The following CCDC195 variants were observed in gnomAD, a reference collection of about 807,000 sequenced individuals.
CCDC195 encodes coiled-coil domain containing 195.
At chr2:224,715,002 C>T (rs531697264) in intron 1 of CCDC195, among the ~76,000 whole-genome samples, 1 of 152,132 alleles carries the variant, frequency 6.6e-6, no homozygotes, top group East Asian at 1.9e-4. Context: ...GATCTCAGCT[C>T]ACTACAACCT....
intron 1 of CCDC195, among the ~76,000 whole-genome samples, chr2:224,711,805 T>G (rs1689322492): frequency 6.6e-6 from 1 of 152,212 alleles, no homozygotes; most frequent in Non-Finnish European, 1.5e-5. Flanking sequence ...TTTCGGCTTT[T>G]TGTAGAACAG....
intron 2 of CCDC195, among the ~76,000 whole-genome samples, chr2:224,704,624 T>C (rs1184681152): frequency 7.1e-5 from 9 of 126,662 alleles, no homozygotes; most frequent in Non-Finnish European, 1.4e-4. Context: ...TTTTTTTTTT[T>C]TTCTTTTTTT....
At chr2:224,710,667 T>C (rs905846630) in intron 1 of CCDC195, among the ~76,000 whole-genome samples, 3 of 152,144 alleles carry the variant, frequency 2.0e-5, no homozygotes, top group Non-Finnish European at 2.9e-5. Flanking sequence ...AAAGCATTCA[T>C]TGATTTATTT....
At chr2:224,712,895 G>A (rs985999027) in intron 1 of CCDC195, among the ~76,000 whole-genome samples, 34 of 150,954 alleles carry the variant, frequency 2.3e-4, no homozygotes, top group Non-Finnish European at 7.4e-5. Flanking sequence ...TTTTGATGGA[G>A]TCTTGCACTG....
intron 1 of CCDC195, among the ~76,000 whole-genome samples, chr2:224,710,548 G>C (rs77646071): frequency 1.3e-5 from 2 of 152,226 alleles, no homozygotes; most frequent in Non-Finnish European, 2.9e-5. Flanking sequence ...TGAGGCAGGA[G>C]AATTGCTTGA....
intron 2 of CCDC195, among the ~76,000 whole-genome samples, chr2:224,708,142 A>G (rs1689251785): frequency 6.6e-6 from 1 of 152,170 alleles, no homozygotes; most frequent in South Asian, 2.1e-4. Flanking sequence ...GGCTTGAGCC[A>G]CCGCACCTAG....
At chr2:224,712,491 A>C (rs185552780) in intron 1 of CCDC195, among the ~76,000 whole-genome samples, 234 of 152,292 alleles carry the variant, frequency 1.5e-3, no homozygotes, top group Non-Finnish European at 2.6e-3. Context: ...CTGCATTCTC[A>C]GTATATTTTA....
At chr2:224,708,006 TCC>T (rs1689246779) in intron 2 of CCDC195, among the ~76,000 whole-genome samples, 2 of 53,024 alleles carry the variant, frequency 3.8e-5, no homozygotes, top group African/African-American at 2.2e-4. Context: ...CTCCCTTCCT[TCC>T]TTTCTTCCTT....
rs187771687 is a variant in CCDC195, at chr2:224,709,314, C to G, written c.482+659G>C. Among the ~76,000 whole-genome samples, 5 of 152,164 alleles carry G rather than the reference C, an allele frequency of 3.3e-5. No individual in the cohort carries two copies. The East Asian group carries it at 9.7e-4, about 29-fold the overall frequency. On this transcript the variant is annotated intron_variant, in intron 2 of 2. Transcript: ENST00000638102. The stretch of plus-strand genomic sequence containing the variant: ...ATGTTGGCCAGGCTGGCCTTGAACT[C>G]CTGACCTCAAGTGATCCAGCCCGCC...
rs576709469 is a variant in CCDC195, at chr2:224,709,380, C to G, written c.482+593G>C. Reference sequence around the variant, plus strand: ...GCTTTCTTGACTGTTGTCTCACATCCCTCCCATTCTCAGGCTGTTCCAGCT... The same window carrying G: ...GCTTTCTTGACTGTTGTCTCACATCGCTCCCATTCTCAGGCTGTTCCAGCT... On this transcript the variant is annotated intron_variant, in intron 2 of 2. Transcript: ENST00000638102. 2.2e-4 allele frequency among the ~76,000 whole-genome samples: 33 copies of G among 152,276 alleles called. 1 individual carries two copies. The highest frequency in any genetic ancestry group is 1.5e-4 in the Non-Finnish European group (10 of 68,022).
At chr2:224,708,547 T>C (rs1553549046) in intron 2 of CCDC195, among the ~76,000 whole-genome samples, 1 of 152,228 alleles carries the variant, frequency 6.6e-6, no homozygotes, top group Non-Finnish European at 1.5e-5. Context: ...CCTGCTCCTA[T>C]GATAGAACCT....
At chr2:224,708,011 T>TCCTC (rs146400721) in intron 2 of CCDC195, among the ~76,000 whole-genome samples, 10 of 84,734 alleles carry the variant, frequency 1.2e-4, no homozygotes, top group Non-Finnish European at 2.2e-4. Context: ...TTCCTTCCTT[T>TCCTC]CTTCCTTCCT....
intron 2 of CCDC195, among the ~76,000 whole-genome samples, chr2:224,706,920 C>CT (rs970813702): frequency 3.8e-4 from 56 of 147,202 alleles, no homozygotes; most frequent in Middle Eastern, 3.5e-3. Flanking sequence ...CACACGCGCA[C>CT]TTTTTTTTTT....
chr2:224,709,718 T>A (rs1282679290), intron 2 of CCDC195, among the ~76,000 whole-genome samples: 1 of 152,226 alleles, frequency 6.6e-6, no homozygotes, highest in African/African-American at 2.4e-5. Context: ...GCTTAGAATA[T>A]GATCACTAAT....
chr2:224,715,592 G>C lies in CCDC195; in HGVS notation c.235+539C>G, dbSNP rs111964522. Among the ~76,000 whole-genome samples the C allele has an allele frequency of 7.4e-3, 1,120 of 152,342 alleles. 9 individuals carry two copies. Among genetic ancestry groups the C allele is most frequent in the Non-Finnish European group, 0.011 (772 of 68,034 alleles). ...TAAGCATTTAGTTCATATTACTGTA[G>C]TTAATCCTCACAACCTTGTGAGATA... On this transcript the variant is annotated intron_variant, in intron 1 of 2. Transcript: ENST00000638102.
intron 2 of CCDC195, among the ~76,000 whole-genome samples, chr2:224,708,738 G>C (rs1050834350): frequency 6.6e-6 from 1 of 152,136 alleles, no homozygotes; most frequent in Non-Finnish European, 1.5e-5. Context: ...GAGTTCGATG[G>C]TGCTCTGGGT....
chr2:224,709,131 C>G (rs760163988), intron 2 of CCDC195, among the ~76,000 whole-genome samples: 99 of 143,570 alleles, frequency 6.9e-4, no homozygotes, highest in Non-Finnish European at 1.4e-3. Context: ...CTCTGTCCCC[C>G]AGGCTGGAGT....
intron 1 of CCDC195, among the ~76,000 whole-genome samples, chr2:224,710,871 C>G (rs2124851883): frequency 6.6e-6 from 1 of 152,268 alleles, no homozygotes; most frequent in South Asian, 2.1e-4. Context: ...GGGATAGAGA[C>G]AGATGCAGGA....
chr2:224,708,327 T>C (rs1030331260), intron 2 of CCDC195, among the ~76,000 whole-genome samples: 2 of 152,226 alleles, frequency 1.3e-5, no homozygotes, highest in African/African-American at 4.8e-5. Flanking sequence ...TCCAATAATT[T>C]CACGATAAAG....
Sources: gnomAD v4.1 joint callset for allele counts (sites outside exome capture counted in the v4.1 genomes callset) on GRCh38, gnomAD v4.1.1 for gene constraint, MANE v1.5 for transcripts, NCBI Gene and HGNC (gene_info 2026-07-23, HGNC 2026-07-21) for gene names.